Variants in ELFN1 observed in about 807,000 individuals in gnomAD.
ELFN1 encodes the protein protein ELFN1.
ELFN1 carries 6 observed loss-of-function variants against 7.6 expected under a neutral mutation model. That is an observed-to-expected ratio of 0.79 (90% confidence interval 0.43 to 1.56). The LOEUF (loss-of-function observed/expected upper bound fraction) is 1.56. Ranked by LOEUF, ELFN1 falls within the 40% of genes most tolerant of loss-of-function variation. ELFN1 has a pLI of 0.01. For synonymous variants in ELFN1, 657 were observed against 588.1 expected, an observed-to-expected ratio of 1.12 and a Z score of -1.70; for missense variants, 1,169 against 1,232.2, an observed-to-expected ratio of 0.95 and a Z score of 0.77.
At chr7:1,675,360 CA>C (rs1554245618) in intron 1 of ELFN1, among the ~76,000 whole-genome samples, 2 of 152,236 alleles carry the variant, frequency 1.3e-5, no homozygotes, top group Non-Finnish European at 2.9e-5. Context: ...GACAGGTGCA[CA>C]CCCCGGCATT....
intron 2 of ELFN1, 107 bp downstream of exon 2, chr7:1,688,257 G>A (rs754542986): frequency 6.6e-6 from 1 of 152,046 alleles, no homozygotes; most frequent in Non-Finnish European, 1.5e-5. Context: ...GATTACATAT[G>A]TTGAAAATAT....
rs183893153 is a variant in ELFN1, at chr7:1,732,277, C to T, written c.-293-12027C>T. ...CCAGGCAGAGGAAACAGCATGTCAG[C>T]AAAAATGCAAGAAGTCCAGGCGAAT... is the stretch of plus-strand genomic sequence containing the variant. On this transcript the variant is annotated intron_variant, in intron 3 of 3. Coordinates refer to ENST00000424383, the MANE Select transcript of ELFN1 (RefSeq NM_001128636.4). 3.3e-5 allele frequency among the ~76,000 whole-genome samples: 5 copies of T among 152,244 alleles called. No individual in the cohort carries two copies. In the East Asian group the frequency reaches 9.7e-4, roughly 29 times the overall value.
At chr7:1,737,446 G>A (rs1780480841) in intron 3 of ELFN1, among the ~76,000 whole-genome samples, 1 of 152,186 alleles carries the variant, frequency 6.6e-6, no homozygotes, top group Non-Finnish European at 1.5e-5. Flanking sequence ...GATTCCAGCT[G>A]GAGTCGGGGT....
chr7:1,666,159 ACC>A (rs1381594440), upstream of ELFN1, among the ~76,000 whole-genome samples: 2 of 151,420 alleles, frequency 1.3e-5, no homozygotes, highest in African/African-American at 4.9e-5. The surrounding 1 kb of genome is among the most constrained non-coding windows in gnomAD (Gnocchi z 7.9). Flanking sequence ...CGGGGCCCGC[ACC>A]CCGGCCCAGG....
At position 1,745,442 on chromosome 7, in the gene ELFN1, G is replaced by A. The variant is rs753208907; in HGVS notation, c.846G>A (p.Pro282=). The A allele has an allele frequency of 5.2e-5, 80 of 1,540,072 alleles. No homozygotes were observed. The highest frequency in any genetic ancestry group is 6.4e-5 in the Non-Finnish European group (73 of 1,146,410). The change falls in exon 4 of 4, where the codon CCG becomes CCA. Residue 282 remains proline, a synonymous_variant. Transcript: ENST00000424383. ...PGRSPPPPPP[P]EPSDMPCADD... ...GCTCCCCGCCGCCCCCGCCTCCGCC[G>A]GAGCCCAGTGACATGCCCTGTGCCG...
chr7:1,706,926 C>T (rs1285590006), intron 2 of ELFN1, among the ~76,000 whole-genome samples: 2 of 152,176 alleles, frequency 1.3e-5, no homozygotes, highest in Non-Finnish European at 1.5e-5. Flanking sequence ...TTGTGGAGAG[C>T]GATGGGTGTG....
chr7:1,706,448 A>G (rs999762647), intron 2 of ELFN1, among the ~76,000 whole-genome samples: 7 of 151,952 alleles, frequency 4.6e-5, no homozygotes, highest in East Asian at 1.9e-4. Flanking sequence ...ACAAAACAAA[A>G]CAAAACAAAA....
chr7:1,718,381 G>A (rs1046044015), intron 3 of ELFN1, among the ~76,000 whole-genome samples: 2 of 152,220 alleles, frequency 1.3e-5, no homozygotes, highest in Non-Finnish European at 2.9e-5. Flanking sequence ...CTTGTGGGAA[G>A]AAGGGAGAGT....
At chr7:1,724,097 G>GC (rs1780107648) in intron 3 of ELFN1, among the ~76,000 whole-genome samples, 1 of 152,220 alleles carries the variant, frequency 6.6e-6, no homozygotes, top group African/African-American at 2.4e-5. Flanking sequence ...GAACATGTCT[G>GC]CCCCTCGTCT....
chr7:1,678,713 G>T (rs1778919073), intron 1 of ELFN1, among the ~76,000 whole-genome samples: 1 of 152,220 alleles, frequency 6.6e-6, no homozygotes, highest in African/African-American at 2.4e-5. Flanking sequence ...GCGGTCGTGG[G>T]TGTGGACCCT....
At chr7:1,706,991 T>TGTGTACACATGTGCAACACACGTACAC (rs1583341506) in intron 2 of ELFN1, among the ~76,000 whole-genome samples, 1 of 151,978 alleles carries the variant, frequency 6.6e-6, no homozygotes, top group Non-Finnish European at 1.5e-5. Flanking sequence ...TTCATGTGCA[T>TGTGTACACATGTGCAACACACGTACAC]GTGTACACAT....
At position 1,746,501 on chromosome 7, in the gene ELFN1, C is replaced by T. The variant is rs1194835450; in HGVS notation, c.1905C>T (p.Pro635=). 3.0e-5 allele frequency: 45 copies of T among 1,490,674 alleles called. No homozygotes were observed. Among genetic ancestry groups the T allele is most frequent in the Non-Finnish European group, 3.7e-5 (42 of 1,128,956 alleles). The allele number at this position is 1,490,674 out of a possible 1,614,324, so 92.3% of individuals were successfully genotyped here. ...QRHHSVEAAG[P]PRASTSSSGS... is the part of the protein sequence containing the mutation. ...ACCACAGCGTGGAGGCCGCCGGGCCCCCTCGTGCCAGCACCTCGTCCAGCG... is the reference window on the plus strand; with the variant it reads ...ACCACAGCGTGGAGGCCGCCGGGCCTCCTCGTGCCAGCACCTCGTCCAGCG... The change falls in exon 4 of 4, where the codon CCC becomes CCT. Residue 635 remains proline, a synonymous_variant. Coordinates refer to ENST00000424383, the MANE Select transcript of ELFN1 (RefSeq NM_001128636.4).
At chr7:1,743,904 C>T (rs1780699580) in intron 3 of ELFN1, among the ~76,000 whole-genome samples, 2 of 152,200 alleles carry the variant, frequency 1.3e-5, no homozygotes, top group Non-Finnish European at 2.9e-5. Context: ...ACTTTAGGTC[C>T]CAGTCCCCTG....
At chr7:1,706,671 G>T (rs1364542936) in intron 2 of ELFN1, among the ~76,000 whole-genome samples, 1 of 152,212 alleles carries the variant, frequency 6.6e-6, no homozygotes, top group African/African-American at 2.4e-5. Context: ...TAGCAGCAAT[G>T]CAAGGACCAC....
intron 3 of ELFN1, among the ~76,000 whole-genome samples, chr7:1,736,647 G>A (rs983366776): frequency 6.6e-6 from 1 of 152,202 alleles, no homozygotes; most frequent in Non-Finnish European, 1.5e-5. Context: ...ATCACGAGAT[G>A]TCATAAGGGC....
chr7:1,692,437 A>T (rs1248617695), intron 2 of ELFN1: 1 of 152,396 alleles, frequency 6.6e-6, no homozygotes, highest in Admixed American at 6.5e-5. Flanking sequence ...AGGGCCTTGC[A>T]ACAGGCAGAG....
At chr7:1,714,400 C>A (rs1779767407) in intron 3 of ELFN1, among the ~76,000 whole-genome samples, 1 of 152,332 alleles carries the variant, frequency 6.6e-6, no homozygotes, top group South Asian at 2.1e-4. Context: ...ACCCCCCACA[C>A]CACCTCTGAC....
At chr7:1,680,351 G>A (rs1562357235) in intron 1 of ELFN1, among the ~76,000 whole-genome samples, 2 of 152,212 alleles carry the variant, frequency 1.3e-5, no homozygotes, top group African/African-American at 2.4e-5. Flanking sequence ...ACCAAGTGTG[G>A]CAGGATGGTC....
intron 2 of ELFN1, among the ~76,000 whole-genome samples, chr7:1,699,959 C>A (rs1418927317): frequency 1.3e-5 from 2 of 152,194 alleles, no homozygotes; most frequent in African/African-American, 4.8e-5. Context: ...CTCAGCCTCC[C>A]AAAGTGCTGG....
Sources: gnomAD v4.1 joint callset for allele counts (sites outside exome capture counted in the v4.1 genomes callset) on GRCh38, gnomAD v4.1.1 for gene constraint, Gnocchi (gnomAD v3.1) non-coding constraint, MANE v1.5 for transcripts, NCBI Gene and HGNC (gene_info 2026-07-23, HGNC 2026-07-21) for gene names.